ABCA3: variants seen among roughly 807,000 people sequenced by gnomAD.
ABCA3 encodes the protein ATP binding cassette subfamily A member 3.
ABCA3 carries 88 observed loss-of-function variants against 172.8 expected under a neutral mutation model. That is an observed-to-expected ratio of 0.51 (90% CI 0.43 to 0.61). ABCA3 has a LOEUF of 0.61. Among genes scored for constraint, ABCA3 ranks in the 20% least tolerant of loss-of-function variants. The probability of loss-of-function intolerance (pLI) is 0.00; values close to 1 mark genes in which losing one functional copy is unlikely to be tolerated. For missense variants in ABCA3, 2,164 were observed against 2,301.0 expected (o/e 0.94, Z 1.22); for synonymous variants, 1,066 against 983.8 (o/e 1.08, Z -1.56).
At chr16:2,303,879 C>A (rs1418631845) in intron 12 of ABCA3, 90 bp downstream of exon 12, 1 of 1,449,024 alleles carries the variant, frequency 6.9e-7, no homozygotes, top group Non-Finnish European at 9.6e-7. Flanking sequence ...GTGCTGCATG[C>A]TGGGGACTCA....
rs368012255 is a variant in ABCA3 at position 2,305,032 on chromosome 16, C to T, written c.1286-882G>A. 1.4e-4 allele frequency among the ~76,000 whole-genome samples: 22 copies of T among 152,242 alleles called. No homozygotes were observed. The East Asian group carries it at 1.9e-3, about 13-fold the overall frequency. ...TTCACCGTGTTGCCCAGCCTGGTCT[C>T]GAACTCCTGAGCTCGGGCAACCTAC... On this transcript the variant is annotated intron_variant, in intron 11 of 32. Transcript: ENST00000301732.
rs866259562 is a variant in ABCA3, at chr16:2,281,709, C to G, written c.4036-200G>C. Among the ~76,000 whole-genome samples the G allele has an allele frequency of 6.6e-6, 1 of 152,094 alleles. No individual in the cohort carries two copies. Among genetic ancestry groups the G allele is most frequent in the South Asian group, 2.1e-4 (1 of 4,820 alleles). On this transcript the variant is annotated intron_variant, in intron 26 of 32. Transcript: ENST00000301732. This position sits in a 1 kb window ranked among gnomAD's most constrained non-coding sequence, Gnocchi z 4.7. ...TGGTCTTACGGGGCTAAACTAGCAT[C>G]CAGGAGACATAAACTATCTGAGGAA...
At chr16:2,326,920 G>A (rs977000411) in intron 3 of ABCA3, among the ~76,000 whole-genome samples, 2 of 152,076 alleles carry the variant, frequency 1.3e-5, no homozygotes, top group African/African-American at 2.4e-5. Flanking sequence ...CCCGGGAGGC[G>A]GGGGTTGCAG....
intron 7 of ABCA3, among the ~76,000 whole-genome samples, chr16:2,321,584 C>A (rs886465208): frequency 1.3e-5 from 2 of 152,150 alleles, no homozygotes; most frequent in Non-Finnish European, 2.9e-5. Context: ...GCAGTGGGGT[C>A]TTTCTTGGCC....
intron 26 of ABCA3, among the ~76,000 whole-genome samples, chr16:2,282,178 G>A (rs1210133130): frequency 1.3e-5 from 2 of 152,200 alleles, no homozygotes; most frequent in African/African-American, 2.4e-5. Context: ...ATAGGTCACT[G>A]CAGCCCGGAC....
In ABCA3 at chr16:2,285,160, C is replaced by T. The variant is rs764252258; in HGVS notation, c.3484-162G>A. ...CACGTCTGGCCCCCGCGGTGGCTTT[C>T]AGCCCCAGGACCCTCTCTGTCCCAG... On this transcript the variant is annotated intron_variant, in intron 23 of 32. Coordinates refer to ENST00000301732, the MANE Select transcript of ABCA3 (RefSeq NM_001089.3). The surrounding 1 kb of genome is among the most constrained non-coding windows in gnomAD (Gnocchi z 4.7). Among the ~76,000 whole-genome samples, 4 of 152,224 alleles carry T rather than the reference C, an allele frequency of 2.6e-5. No homozygotes were observed. The highest frequency in any genetic ancestry group is 5.9e-5 in the Non-Finnish European group (4 of 68,036).
chr16:2,320,348 T>G (rs2093724094), intron 7 of ABCA3, among the ~76,000 whole-genome samples: 1 of 151,354 alleles, frequency 6.6e-6, no homozygotes, highest in African/African-American at 2.4e-5. Flanking sequence ...TCCACCCACC[T>G]TGGCCTCCCA....
chr16:2,318,980 T>G (rs1171329603), intron 8 of ABCA3, among the ~76,000 whole-genome samples: 1 of 152,078 alleles, frequency 6.6e-6, no homozygotes, highest in African/African-American at 2.4e-5. Flanking sequence ...AGGATCATTT[T>G]ATAGCCCACT....
At chr16:2,295,495 G>A (rs2093678318) in intron 18 of ABCA3, 95 bp downstream of exon 18, 2 of 1,570,590 alleles carry the variant, frequency 1.3e-6, no homozygotes, top group Non-Finnish European at 1.7e-6. Context: ...GGCCAGAGAG[G>A]GGCAGAGCAG....
At chr16:2,332,123 T>G (rs996360631) in intron 1 of ABCA3, among the ~76,000 whole-genome samples, 3 of 152,186 alleles carry the variant, frequency 2.0e-5, no homozygotes, top group South Asian at 2.1e-4. Flanking sequence ...GTCTTTCCAG[T>G]AACTGTTGTC....
intron 1 of ABCA3, among the ~76,000 whole-genome samples, chr16:2,330,269 C>T (rs886665495): frequency 1.4e-5 from 2 of 145,336 alleles, no homozygotes; most frequent in African/African-American, 5.1e-5. Context: ...GAGTCATCAG[C>T]TCCGAGATGA....
intron 10 of ABCA3, among the ~76,000 whole-genome samples, chr16:2,311,498 C>T (rs540448745): frequency 5.9e-5 from 9 of 152,096 alleles, no homozygotes; most frequent in South Asian, 4.2e-4. Context: ...ACATTAACAT[C>T]CATTGGTTTA....
At chr16:2,292,589 A>G (rs1007887782) in intron 18 of ABCA3, among the ~76,000 whole-genome samples, 27 of 151,800 alleles carry the variant, frequency 1.8e-4, no homozygotes, top group African/African-American at 6.5e-4. Flanking sequence ...GCAGAGTGAA[A>G]CTCTGTCTCA....
At position 2,338,751 on chromosome 16, in the gene ABCA3, C is replaced by CTTTTT. The variant is rs34719364; in HGVS notation, c.-539+1817_-539+1821dup. Among the ~76,000 whole-genome samples, 45 of 121,590 alleles carry CTTTTT rather than the reference C, an allele frequency of 3.7e-4. 1 individual carries two copies. The highest frequency in any genetic ancestry group is 1.5e-3 in the African/African-American group (43 of 28,422). The allele number at this position is 121,590 out of a possible 152,430, so 79.8% of individuals were successfully genotyped here. A position where few individuals can be genotyped will look rare whatever the true frequency, so the allele number is the denominator to read the frequency against. ...AGAGCAGGGACTGTGTCCAATTCAT[C>CTTTTT]TTTTTTTTTTTTTTTTTTTTTGAGA... On this transcript the variant is annotated intron_variant, in intron 1 of 32. Transcript: ENST00000301732.
At chr16:2,333,108 C>G (rs2093746042) in intron 1 of ABCA3, among the ~76,000 whole-genome samples, 1 of 152,170 alleles carries the variant, frequency 6.6e-6, no homozygotes. Context: ...TGCTGCCTGG[C>G]CCTTATGAGC....
Position 2,287,881 on chromosome 16 carries a change from G to A in ABCA3, c.3004+145C>T, listed in dbSNP as rs893574509. On this transcript the variant is annotated intron_variant, in intron 21 of 32. Transcript: ENST00000301732. The surrounding 1 kb of genome is among the most constrained non-coding windows in gnomAD (Gnocchi z 4.1). ...TCATGATGGGGTGGGGCAAGGTCAGGGATGCTGCTGAACCTCCCTCAGTAC... is the reference window on the plus strand; with the variant it reads ...TCATGATGGGGTGGGGCAAGGTCAGAGATGCTGCTGAACCTCCCTCAGTAC... The A allele has an allele frequency of 2.0e-6, 2 of 1,007,918 alleles. No individual in the cohort carries two copies. Among genetic ancestry groups the A allele is most frequent in the African/African-American group, 1.6e-5 (1 of 62,988 alleles). The allele number at this position is 1,007,918 out of a possible 1,614,324, so 62.4% of individuals were successfully genotyped here.
At position 2,295,693 on chromosome 16, in the gene ABCA3, C is replaced by T; in HGVS notation, c.2311G>A (p.Glu771Lys). ...TLVKEPHCNP[E>K]DISQLVHHHV... ...TGGTGGACCAGCTGGGAGATGTCTT[C>T]CGGGTTGCAGTGCGGCTCCTTCACC... The change falls in exon 18 of 33, where the codon GAA becomes AAA. Residue 771 changes from glutamate to lysine, a missense_variant. Physicochemically the swap from Glu to Lys is moderately conservative, Grantham distance 56. This residue lies in a region of ABCA3 where 1,343 missense variants were observed against 1,369.6 expected (regional missense o/e 0.98). Coordinates refer to ENST00000301732, the MANE Select transcript of ABCA3 (RefSeq NM_001089.3). 1 of 1,614,068 alleles carries T rather than the reference C, an allele frequency of 6.2e-7. No individual in the cohort carries two copies. Among genetic ancestry groups the T allele is most frequent in the Non-Finnish European group, 8.5e-7 (1 of 1,180,048 alleles).
At chr16:2,298,641 C>T in intron 14 of ABCA3, 101 bp from the exon 15 acceptor site, 2 of 1,458,520 alleles carry the variant, frequency 1.4e-6, no homozygotes, top group Non-Finnish European at 1.9e-6. Context: ...CTAATTTCCT[C>T]TGAGGACCCT....
rs993561747 is a variant in ABCA3, at chr16:2,292,140, C to T, written c.2513G>A (p.Arg838Gln). 11 of 1,610,940 alleles carry T rather than the reference C, an allele frequency of 6.8e-6. No homozygotes were observed. The highest frequency in any genetic ancestry group is 9.3e-6 in the Non-Finnish European group (11 of 1,177,356). ...TGGACGGAAATGCGCATTTACTGAC[C>T]GAAGGAAGACTTCCTCCATGGTGGT... is the stretch of plus-strand genomic sequence containing the variant. ...SITTMEEVFL[R>Q]VGKLVDSSMD... is the part of the protein sequence containing the mutation. Residue 838 changes from arginine (R) to glutamine (Q), a missense_variant and splice_region_variant, in exon 19 of 33, where the codon CGG (arginine) becomes CAG (glutamine). By Grantham distance (43) the Arg-to-Gln change is conservative. This residue lies in a region of ABCA3 where 1,343 missense variants were observed against 1,369.6 expected (regional missense o/e 0.98). Coordinates refer to ENST00000301732, the MANE Select transcript of ABCA3 (RefSeq NM_001089.3).
Sources: gnomAD v4.1 joint callset for allele counts (sites outside exome capture counted in the v4.1 genomes callset) on GRCh38, gnomAD v4.1.1 for gene constraint, gnomAD v4.1.1 regional missense constraint, Gnocchi (gnomAD v3.1) non-coding constraint, MANE v1.5 for transcripts, NCBI Gene and HGNC (gene_info 2026-07-23, HGNC 2026-07-21) for gene names.